STK32B: variants seen among roughly 807,000 people sequenced by gnomAD.
STK32B encodes the protein serine/threonine kinase 32B.
In STK32B, 43 loss-of-function variants were observed where a neutral mutation model predicts 52.6. That is an observed-to-expected ratio of 0.82 (90% CI 0.64 to 1.05). The LOEUF (loss-of-function observed/expected upper bound fraction) is 1.05, where lower values mean the gene tolerates loss of function less well. STK32B is among the 50% of genes least tolerant of loss of function. STK32B has a pLI of 0.00. For missense variants in STK32B, 621 were observed against 534.6 expected (o/e 1.16, Z -1.59); for synonymous variants, 238 against 204.3 (o/e 1.17, Z -1.41).
At chr4:5,218,596 A>C (rs912195771) in intron 3 of STK32B, among the ~76,000 whole-genome samples, 1 of 152,204 alleles carries the variant, frequency 6.6e-6, no homozygotes, top group East Asian at 1.9e-4. Flanking sequence ...CATTCCAGAC[A>C]TGCTGGCCTC....
intron 1 of STK32B, among the ~76,000 whole-genome samples, chr4:5,101,405 GA>G (rs1713781794): frequency 6.6e-6 from 1 of 152,168 alleles, no homozygotes; most frequent in African/African-American, 2.4e-5. Flanking sequence ...AGAGGCAGGA[GA>G]AGAAGAAAAA....
chr4:5,244,337 C>T (rs955058116), intron 3 of STK32B, among the ~76,000 whole-genome samples: 1 of 152,272 alleles, frequency 6.6e-6, no homozygotes, highest in East Asian at 1.9e-4. Flanking sequence ...TTATCCATTT[C>T]TTCTAGATTT....
At chr4:5,311,096 C>G (rs1730262858) in intron 3 of STK32B, among the ~76,000 whole-genome samples, 1 of 151,998 alleles carries the variant, frequency 6.6e-6, no homozygotes. Context: ...TTAACAGATA[C>G]AAAAATACAT....
intron 1 of STK32B, among the ~76,000 whole-genome samples, chr4:5,109,784 A>G (rs1463229732): frequency 1.3e-5 from 2 of 152,222 alleles, no homozygotes; most frequent in African/African-American, 2.4e-5. Flanking sequence ...GGCAGGAGAG[A>G]GAGATAAAAG....
intron 4 of STK32B, among the ~76,000 whole-genome samples, chr4:5,333,370 G>A (rs1435865662): frequency 1.3e-5 from 2 of 152,162 alleles, no homozygotes; most frequent in Non-Finnish European, 2.9e-5. Flanking sequence ...GTAGATTCTG[G>A]ATATTAGCCC....
At chr4:5,377,636 G>A (rs1421994124) in intron 4 of STK32B, among the ~76,000 whole-genome samples, 2 of 152,204 alleles carry the variant, frequency 1.3e-5, no homozygotes, top group African/African-American at 4.8e-5. Context: ...GTCAAGGGAG[G>A]ACCCAGGTAG....
At chr4:5,485,198 C>G (rs1264341848) in intron 11 of STK32B, among the ~76,000 whole-genome samples, 2 of 152,058 alleles carry the variant, frequency 1.3e-5, no homozygotes, top group Non-Finnish European at 2.9e-5. Flanking sequence ...CAACTTGGTT[C>G]CATTCTCCCC....
intron 9 of STK32B, among the ~76,000 whole-genome samples, chr4:5,464,998 G>A (rs918130576): frequency 1.3e-5 from 2 of 152,160 alleles, no homozygotes; most frequent in African/African-American, 4.8e-5. Flanking sequence ...TCATAGTTGA[G>A]TTCCAGGAGT....
chr4:5,181,308 GA>G (rs1256396131), intron 3 of STK32B, among the ~76,000 whole-genome samples: 1 of 138,804 alleles, frequency 7.2e-6, no homozygotes, highest in Non-Finnish European at 1.5e-5. Context: ...CTTATAAAAA[GA>G]AGAGAAAGAT....
At chr4:5,318,074 A>G (rs1731231125) in intron 3 of STK32B, among the ~76,000 whole-genome samples, 1 of 151,778 alleles carries the variant, frequency 6.6e-6, no homozygotes, top group Admixed American at 6.6e-5. Context: ...CTTGGCTCTC[A>G]GGGCTTGCAT....
intron 1 of STK32B, among the ~76,000 whole-genome samples, chr4:5,112,894 T>C (rs565352082): frequency 2.6e-5 from 4 of 152,260 alleles, no homozygotes; most frequent in Non-Finnish European, 5.9e-5. Flanking sequence ...GATTCATGTA[T>C]TCAAAAGATA....
chr4:5,489,628 A>ATTTTTTTTTTTTTTTTTTTTTTTTTTT (rs1201368525), intron 11 of STK32B, among the ~76,000 whole-genome samples: 2 of 151,656 alleles, frequency 1.3e-5, no homozygotes, highest in East Asian at 4.0e-4. Context: ...TTTATTTTTT[A>ATTTTTTTTTTTTTTTTTTTTTTTTTTT]TTATTTTTTT....
At chr4:5,076,903 G>A (rs1577052450) in intron 1 of STK32B, among the ~76,000 whole-genome samples, 3 of 152,128 alleles carry the variant, frequency 2.0e-5, no homozygotes, top group Non-Finnish European at 4.4e-5. Flanking sequence ...ACTAGGCAGT[G>A]AATTTTCTTC....
intron 3 of STK32B, among the ~76,000 whole-genome samples, chr4:5,263,128 G>C (rs972930935): frequency 6.6e-6 from 1 of 151,958 alleles, no homozygotes; most frequent in African/African-American, 2.4e-5. Flanking sequence ...ACCCAACACC[G>C]GGAGGGACTT....
At chr4:5,142,970 G>A (rs1560174217) in intron 2 of STK32B, among the ~76,000 whole-genome samples, 1 of 152,180 alleles carries the variant, frequency 6.6e-6, no homozygotes, top group Non-Finnish European at 1.5e-5. Context: ...CCTTTGGACT[G>A]GAGTTGCAGT....
chr4:5,254,484 T>G (rs1315111135), intron 3 of STK32B, among the ~76,000 whole-genome samples: 1 of 152,226 alleles, frequency 6.6e-6, no homozygotes, highest in Non-Finnish European at 1.5e-5. Flanking sequence ...ACATTGTTGA[T>G]TTTCAGCATT....
intron 1 of STK32B, among the ~76,000 whole-genome samples, chr4:5,090,738 G>A (rs1180947159): frequency 6.6e-6 from 1 of 152,118 alleles, no homozygotes; most frequent in Non-Finnish European, 1.5e-5. Context: ...CATATGGCTA[G>A]CCACTTTTCC....
At chr4:5,143,991 G>A (rs62290471) in intron 2 of STK32B, among the ~76,000 whole-genome samples, 16,976 of 152,110 alleles carry the variant, frequency 0.11, 1,197 homozygotes, top group Admixed American at 0.21. Flanking sequence ...CCCCTGACCC[G>A]GCTGGAATTG....
rs138187737 is a variant in STK32B, at chr4:5,111,771, C to T, written c.53-28134C>T. ...AATCTAAAATTAAAAATAAAGAAAA[C>T]GATGTGTATGGACCTCCTTGATGAT... On this transcript the variant is annotated intron_variant, in intron 1 of 11. Coordinates refer to ENST00000282908, the MANE Select transcript of STK32B (RefSeq NM_018401.3). 6.7e-3 allele frequency among the ~76,000 whole-genome samples: 1,013 copies of T among 152,040 alleles called. 14 individuals are homozygous for T. Among genetic ancestry groups the T allele is most frequent in the Middle Eastern group, 0.024 (7 of 294 alleles).
Sources: allele counts gnomAD v4.1 joint callset (sites outside exome capture counted in the v4.1 genomes callset), GRCh38; gene constraint gnomAD v4.1.1; transcripts MANE v1.5; gene names NCBI Gene and HGNC (gene_info 2026-07-23, HGNC 2026-07-21).